Variants in HCN1 observed in about 807,000 individuals in gnomAD.
HCN1 encodes potassium/sodium hyperpolarization-activated cyclic nucleotide-gated channel 1.
A neutral mutation model predicts 78.9 loss-of-function variants in HCN1; 13 were observed. The observed-to-expected ratio is 0.16, with a 90% confidence interval of 0.11 to 0.26. The LOEUF (loss-of-function observed/expected upper bound fraction) is 0.26. HCN1 is among the 10% of genes least tolerant of loss of function. The probability of loss-of-function intolerance (pLI) is 1.00; values close to 1 mark genes in which losing one functional copy is unlikely to be tolerated. For missense variants in HCN1, 810 were observed against 1,154.3 expected (o/e 0.70, Z 4.32); for synonymous variants, 552 against 455.5 (o/e 1.21, Z -2.70).
intron 2 of HCN1, among the ~76,000 whole-genome samples, chr5:45,500,969 C>G (rs540808781): frequency 6.6e-6 from 1 of 152,090 alleles, no homozygotes; most frequent in Non-Finnish European, 1.5e-5. Flanking sequence ...AAACTTTTAT[C>G]CTATTTATCT....
intron 4 of HCN1, among the ~76,000 whole-genome samples, chr5:45,374,071 TATA>T (rs1364312282): frequency 1.7e-4 from 19 of 108,834 alleles, no homozygotes; most frequent in Admixed American, 2.4e-4. Flanking sequence ...ATATAATATA[TATA>T]ATATCTATTA....
chr5:45,313,339 G>A (rs1745900277), intron 5 of HCN1, among the ~76,000 whole-genome samples: 1 of 152,064 alleles, frequency 6.6e-6, no homozygotes, highest in African/African-American at 2.4e-5. Context: ...CAAACAGAAA[G>A]GACATTCACA....
chr5:45,637,173 T>C (rs570853002), intron 2 of HCN1, among the ~76,000 whole-genome samples: 2 of 152,246 alleles, frequency 1.3e-5, no homozygotes, highest in South Asian at 4.2e-4. Context: ...TCATATAGTT[T>C]CACACTTAGG....
At chr5:45,328,540 A>AGCT (rs1028497873) in intron 5 of HCN1, among the ~76,000 whole-genome samples, 37 of 151,620 alleles carry the variant, frequency 2.4e-4, no homozygotes, top group Non-Finnish European at 4.0e-4. Flanking sequence ...CTTGAAAACA[A>AGCT]GCATAATGAT....
chr5:45,546,760 C>G (rs1168518713), intron 2 of HCN1, among the ~76,000 whole-genome samples: 1 of 151,726 alleles, frequency 6.6e-6, no homozygotes, highest in East Asian at 1.9e-4. Context: ...ATCTCTCAGA[C>G]CAGAAGACAC....
chr5:45,473,091 G>A lies in HCN1; in HGVS notation c.850-11084C>T, dbSNP rs1741428584. ...TCATCATCACTTTTTTCCATATCCA[G>A]TCAGACACAAAGATCCATTATTTCA... On this transcript the variant is annotated intron_variant, in intron 2 of 7. Coordinates refer to ENST00000303230, the MANE Select transcript of HCN1 (RefSeq NM_021072.4). Among the ~76,000 whole-genome samples the A allele has an allele frequency of 2.6e-5, 4 of 151,642 alleles. No homozygotes were observed. The Admixed American group carries it at 2.6e-4, about 10-fold the overall frequency.
At chr5:45,448,262 C>A (rs952618012) in intron 3 of HCN1, among the ~76,000 whole-genome samples, 1 of 152,150 alleles carries the variant, frequency 6.6e-6, no homozygotes, top group African/African-American at 2.4e-5. Context: ...AGGTGCAATT[C>A]ACATAAGCCA....
chr5:45,542,047 T>G (rs1743116148), intron 2 of HCN1, among the ~76,000 whole-genome samples: 1 of 152,134 alleles, frequency 6.6e-6, no homozygotes, highest in African/African-American at 2.4e-5. Flanking sequence ...TTAATTAATA[T>G]ATTTTTCTAT....
chr5:45,276,637 G>A (rs1246063508), intron 6 of HCN1, among the ~76,000 whole-genome samples: 1 of 152,018 alleles, frequency 6.6e-6, no homozygotes, highest in Non-Finnish European at 1.5e-5. Flanking sequence ...TACAAAATAA[G>A]TATATTTTGT....
intron 2 of HCN1, among the ~76,000 whole-genome samples, chr5:45,625,586 A>T (rs1158974199): frequency 6.6e-6 from 1 of 152,094 alleles, no homozygotes; most frequent in Non-Finnish European, 1.5e-5. Context: ...AAAATTATAG[A>T]ATAAAAAGCA....
At chr5:45,375,469 ATAAGATC>A (rs1215349216) in intron 4 of HCN1, among the ~76,000 whole-genome samples, 61 of 97,944 alleles carry the variant, frequency 6.2e-4, no homozygotes, top group African/African-American at 1.6e-3. Context: ...CATATGATAT[ATAAGATC>A]ATATTTTATG....
At chr5:45,420,635 C>T (rs933662512) in intron 3 of HCN1, among the ~76,000 whole-genome samples, 1 of 152,112 alleles carries the variant, frequency 6.6e-6, no homozygotes, top group Non-Finnish European at 1.5e-5. Context: ...TACATAATGA[C>T]GTTTTTGGTG....
At chr5:45,354,691 T>A (rs1258335755) in intron 4 of HCN1, among the ~76,000 whole-genome samples, 1 of 151,994 alleles carries the variant, frequency 6.6e-6, no homozygotes, top group Non-Finnish European at 1.5e-5. Flanking sequence ...GAAATACCAC[T>A]TTGTCGTGAG....
chr5:45,580,705 C>A (rs138493289), intron 2 of HCN1, among the ~76,000 whole-genome samples: 2 of 152,068 alleles, frequency 1.3e-5, no homozygotes, highest in African/African-American at 4.8e-5. Flanking sequence ...CACCCCACAA[C>A]AGGCCCTGGT....
At chr5:45,312,653 G>A (rs1172523640) in intron 5 of HCN1, among the ~76,000 whole-genome samples, 3 of 152,150 alleles carry the variant, frequency 2.0e-5, no homozygotes, top group Non-Finnish European at 2.9e-5. Flanking sequence ...CTGGAAAATC[G>A]GGTCACTCCC....
chr5:45,521,546 C>T (rs1307115778), intron 2 of HCN1, among the ~76,000 whole-genome samples: 1 of 151,912 alleles, frequency 6.6e-6, no homozygotes, highest in Non-Finnish European at 1.5e-5. Flanking sequence ...TCCCTTCTTT[C>T]ATCTGTGTCT....
chr5:45,640,119 CACT>C (rs893724871), intron 2 of HCN1, among the ~76,000 whole-genome samples: 1 of 152,160 alleles, frequency 6.6e-6, no homozygotes, highest in African/African-American at 2.4e-5. Context: ...TTATTTGTGC[CACT>C]ACTTCCCACA....
intron 4 of HCN1, among the ~76,000 whole-genome samples, chr5:45,389,604 G>C (rs1405205621): frequency 6.6e-6 from 1 of 152,128 alleles, no homozygotes; most frequent in Non-Finnish European, 1.5e-5. Context: ...GGAATGCATG[G>C]AGTGCAGGAA....
intron 2 of HCN1, among the ~76,000 whole-genome samples, chr5:45,639,461 G>C (rs1311475856): frequency 1.3e-5 from 2 of 151,912 alleles, no homozygotes; most frequent in African/African-American, 2.4e-5. Context: ...ATTGTTCATG[G>C]GCATAAATAA....
Sources: allele counts gnomAD v4.1 joint callset (sites outside exome capture counted in the v4.1 genomes callset), GRCh38; gene constraint gnomAD v4.1.1; transcripts MANE v1.5; gene names NCBI Gene and HGNC (gene_info 2026-07-23, HGNC 2026-07-21).